The following USPL1 variants were observed in gnomAD, a reference collection of about 807,000 sequenced individuals.
USPL1 encodes the protein ubiquitin specific peptidase like 1.
Under a neutral mutation model 51.5 loss-of-function variants are expected in USPL1, and 27 were observed. The observed-to-expected ratio is 0.52, with a 90% CI of 0.39 to 0.72. The LOEUF (loss-of-function observed/expected upper bound fraction) is 0.72. Among genes scored for constraint, USPL1 ranks in the 30% least tolerant of loss-of-function variants. The pLI, the probability that USPL1 is intolerant of heterozygous loss-of-function variation, is 0.00. For missense variants in USPL1, 1,226 were observed against 1,268.0 expected, an observed-to-expected ratio of 0.97 and a Z score of 0.50; for synonymous variants, 451 against 459.6, an observed-to-expected ratio of 0.98 and a Z score of 0.24.
At chr13:30,640,182 T>C (rs893457052) in intron 5 of USPL1, among the ~76,000 whole-genome samples, 6 of 152,212 alleles carry the variant, frequency 3.9e-5, no homozygotes, top group African/African-American at 1.4e-4. Context: ...TGGAGAACTT[T>C]ATGTATTTTA....
Position 30,642,617 on chromosome 13 carries a change from TC to T in USPL1, c.983-10del, listed in dbSNP as rs1950962498. On this transcript the variant is annotated splice_polypyrimidine_tract_variant and intron_variant, in intron 5 of 8. Coordinates refer to ENST00000255304, the MANE Select transcript of USPL1 (RefSeq NM_005800.5). ...GATTATGAGCAGTAATTCTTCCTTT[TC>T]TTTTTGAAGGTGATATGGAAAGCCC... The T allele has an allele frequency of 6.3e-7, 1 of 1,596,928 alleles. No homozygotes were observed. Among genetic ancestry groups the T allele is most frequent in the African/African-American group, 1.4e-5 (1 of 73,514 alleles).
At position 30,659,574 on chromosome 13, in the gene USPL1, C is replaced by T; in HGVS notation, c.*218C>T. ...TTCTCCTTTTTGGTTTCATTTTGTT[C>T]TTGTGAGAGTATGAGGATTTCAAAA... is the stretch of plus-strand genomic sequence containing the variant. On this transcript the variant is annotated 3_prime_UTR_variant, in exon 9 of 9. Coordinates refer to ENST00000255304, the MANE Select transcript of USPL1 (RefSeq NM_005800.5). The T allele has an allele frequency of 2.2e-6, 1 of 448,912 alleles. No individual in the cohort carries two copies. The highest frequency in any genetic ancestry group is 3.8e-6 in the Non-Finnish European group (1 of 260,600). The allele number at this position is 448,912 out of a possible 1,614,324, so 27.8% of individuals were successfully genotyped here.
chr13:30,643,160 C>T (rs1009922758), intron 6 of USPL1, among the ~76,000 whole-genome samples: 10 of 152,128 alleles, frequency 6.6e-5, no homozygotes, highest in African/African-American at 1.4e-4. Context: ...CATTTCTTCC[C>T]GTAGTCCTGT....
chr13:30,654,614 G>C (rs924628717), intron 8 of USPL1, among the ~76,000 whole-genome samples: 1 of 152,140 alleles, frequency 6.6e-6, no homozygotes, highest in Admixed American at 6.5e-5. Context: ...GCAAACAAAG[G>C]ATACATAAAG....
chr13:30,654,450 C>T (rs1951133716), intron 8 of USPL1, among the ~76,000 whole-genome samples: 1 of 151,162 alleles, frequency 6.6e-6, no homozygotes, highest in Non-Finnish European at 1.5e-5. Context: ...CCAGGCTGTT[C>T]TCAAACTCCT....
At chr13:30,640,403 T>C (rs1950931295) in intron 5 of USPL1, among the ~76,000 whole-genome samples, 1 of 152,158 alleles carries the variant, frequency 6.6e-6, no homozygotes, top group South Asian at 2.1e-4. Context: ...TAAAACTTAT[T>C]TTATGGCTGG....
intron 5 of USPL1, among the ~76,000 whole-genome samples, chr13:30,641,815 G>C (rs1308845837): frequency 6.6e-6 from 1 of 152,182 alleles, no homozygotes; most frequent in East Asian, 1.9e-4. Context: ...GGTGGAACAA[G>C]ATGATCAGAA....
In USPL1 at chr13:30,658,385, T is replaced by A. The variant is rs1284677547; in HGVS notation, c.2308T>A (p.Phe770Ile). ...AGGCTTAATAAGCAGGGGTGCTTCTTTTATGCCACTCTGTGTTTCAGCTCA... is the reference window on the plus strand; with the variant it reads ...AGGCTTAATAAGCAGGGGTGCTTCTATTATGCCACTCTGTGTTTCAGCTCA... ...VKGLISRGASFMPLCVSAHNR... is the reference protein window; with the variant it reads ...VKGLISRGASIMPLCVSAHNR... Residue 770 changes from phenylalanine (F) to isoleucine (I), a missense_variant, in exon 9 of 9, where the codon TTT (phenylalanine) becomes ATT (isoleucine). By Grantham distance (21) the Phe-to-Ile change is conservative. Coordinates refer to ENST00000255304, the MANE Select transcript of USPL1 (RefSeq NM_005800.5). 1.2e-6 allele frequency: 2 copies of A among 1,613,534 alleles called. No individual in the cohort carries two copies. Among genetic ancestry groups the A allele is most frequent in the Non-Finnish European group, 1.7e-6 (2 of 1,180,010 alleles).
intron 5 of USPL1, among the ~76,000 whole-genome samples, chr13:30,640,630 C>G (rs1339567327): frequency 2.0e-5 from 3 of 152,144 alleles, no homozygotes; most frequent in Admixed American, 6.5e-5. Context: ...GCAGTGGTTG[C>G]AGCGAGCAGA....
intron 8 of USPL1, among the ~76,000 whole-genome samples, chr13:30,655,194 C>T (rs1388233223): frequency 6.6e-6 from 1 of 152,198 alleles, no homozygotes; most frequent in African/African-American, 2.4e-5. Context: ...GCCTCGGCCT[C>T]CCGAAGTGCT....
chr13:30,653,512 A>G (rs1235861588), intron 8 of USPL1, among the ~76,000 whole-genome samples: 1 of 151,940 alleles, frequency 6.6e-6, no homozygotes, highest in Non-Finnish European at 1.5e-5. Context: ...CTTTCCTTAC[A>G]TCATGTATTA....
Position 30,657,888 on chromosome 13 carries a change from A to G in USPL1, c.1811A>G (p.Glu604Gly). The change falls in exon 9 of 9, where the codon GAA becomes GGA. Residue 604 changes from glutamate (E) to glycine (G), a missense_variant. Coordinates refer to ENST00000255304, the MANE Select transcript of USPL1 (RefSeq NM_005800.5). ...KTASVSQLNS[E>G]AFLLENKPVA... ...GCCTCAGTTTCACAGTTAAATTCTG[A>G]AGCTTTCCTGTTAGAAAATAAACCT... 6.2e-7 allele frequency: 1 copy of G among 1,614,050 alleles called. No homozygotes were observed. The highest frequency in any genetic ancestry group is 8.5e-7 in the Non-Finnish European group (1 of 1,180,032).
At chr13:30,655,080 C>T (rs892042206) in intron 8 of USPL1, among the ~76,000 whole-genome samples, 13 of 151,772 alleles carry the variant, frequency 8.6e-5, no homozygotes, top group Admixed American at 7.2e-4. Context: ...CCGGAATACA[C>T]GCAGGCGCTA....
chr13:30,631,091 C>T lies in USPL1; in HGVS notation c.485C>T (p.Pro162Leu). 1.9e-6 allele frequency: 3 copies of T among 1,614,018 alleles called. No homozygotes were observed. The highest frequency in any genetic ancestry group is 2.2e-5 in the East Asian group (1 of 44,878). ...CCTGATAGTAGTGGTCAACAGAATC[C>T]AATTAGGACAGCTGATTCCTTGGAG... ...NLPDSSGQQN[P>L]IRTADSLERN... The change falls in exon 4 of 9, where the codon CCA becomes CTA. Residue 162 changes from proline (P) to leucine (L), a missense_variant. By Grantham distance (98) the Pro-to-Leu change is moderately conservative. Transcript: ENST00000255304.
rs1240800632 is a variant in USPL1 at position 30,657,728 on chromosome 13, A to G, written c.1651A>G (p.Lys551Glu). 1.9e-6 allele frequency: 3 copies of G among 1,614,072 alleles called. No individual in the cohort carries two copies. The highest frequency in any genetic ancestry group is 2.5e-6 in the Non-Finnish European group (3 of 1,180,030). The change falls in exon 9 of 9, where the codon AAA (lysine) becomes GAA (glutamate). Residue 551 changes from lysine to glutamate, a missense_variant. Physicochemically the swap from Lys to Glu is moderately conservative, Grantham distance 56. Transcript: ENST00000255304. Reference sequence around the variant, plus strand: ...TGAAACAGCCTCAGTAACTCACCCTAAAGATATATCAGTTGCCCCTCGTAC... The same window carrying G: ...TGAAACAGCCTCAGTAACTCACCCTGAAGATATATCAGTTGCCCCTCGTAC... ...SAETASVTHP[K>E]DISVAPRTLS...
In USPL1 at chr13:30,630,867, T is replaced by A. The variant is rs139718614; in HGVS notation, c.261T>A (p.Asn87Lys). Reference protein sequence around the residue: ...CIYPLGSKSLNNLISPDLEEC... With the variant: ...CIYPLGSKSLKNLISPDLEEC... ...ATCCTTTGGGCTCTAAATCACTTAA[T>A]AACCTAATTTCTCCTGATTTGGAAG... Residue 87 changes from asparagine (N) to lysine (K), a missense_variant, in exon 4 of 9, where the codon AAT becomes AAA. Physicochemically the swap from Asn to Lys is moderately conservative, Grantham distance 94. Coordinates refer to ENST00000255304, the MANE Select transcript of USPL1 (RefSeq NM_005800.5). 50 of 1,611,870 alleles carry A rather than the reference T, an allele frequency of 3.1e-5. No individual in the cohort carries two copies. The African/African-American group carries it at 6.4e-4, about 21-fold the overall frequency.
At chr13:30,637,551 G>T (rs1364001279) in intron 4 of USPL1, among the ~76,000 whole-genome samples, 193 bp from the exon 5 acceptor site, 1 of 152,160 alleles carries the variant, frequency 6.6e-6, no homozygotes, top group Non-Finnish European at 1.5e-5. Context: ...AAGTACTAAT[G>T]ATATTGTGCT....
At chr13:30,633,808 A>G (rs1950839586) in intron 4 of USPL1, among the ~76,000 whole-genome samples, 1 of 150,756 alleles carries the variant, frequency 6.6e-6, no homozygotes, top group Non-Finnish European at 1.5e-5. Context: ...AAAAAAAAAA[A>G]GTAAAGTAAA....
chr13:30,624,160 A>G (rs1950680012), intron 3 of USPL1, among the ~76,000 whole-genome samples: 1 of 152,170 alleles, frequency 6.6e-6, no homozygotes, highest in South Asian at 2.1e-4. Flanking sequence ...ATAACATCCA[A>G]ATGGAATTGG....
Sources: gnomAD v4.1 joint callset for allele counts (sites outside exome capture counted in the v4.1 genomes callset) on GRCh38, gnomAD v4.1.1 for gene constraint, MANE v1.5 for transcripts, NCBI Gene and HGNC (gene_info 2026-07-23, HGNC 2026-07-21) for gene names.